ACACA: variants seen among roughly 807,000 people sequenced by gnomAD.
The protein encoded by ACACA is acetyl-CoA carboxylase 1.
Under a neutral mutation model 296.1 loss-of-function variants are expected in ACACA, and 103 were observed. That is an observed-to-expected ratio of 0.35 (90% CI 0.30 to 0.41). The LOEUF (loss-of-function observed/expected upper bound fraction) is 0.41, where lower values mean the gene tolerates loss of function less well. Ranked by LOEUF, ACACA falls within the 10% of genes least tolerant of loss-of-function variation. ACACA has a pLI of 1.00. For missense variants in ACACA, 1,554 were observed against 2,989.7 expected (o/e 0.52, Z 11.20); for synonymous variants, 953 against 1,038.6 (o/e 0.92, Z 1.58).
intron 3 of ACACA, among the ~76,000 whole-genome samples, chr17:37,293,668 A>G (rs1324887514): frequency 6.9e-6 from 1 of 145,860 alleles, no homozygotes; most frequent in Non-Finnish European, 1.5e-5. Flanking sequence ...TCAGCCCCCC[A>G]GTAGCTGGGA....
chr17:37,174,752 C>T (rs2077046185), intron 41 of ACACA, among the ~76,000 whole-genome samples: 3 of 151,644 alleles, frequency 2.0e-5, no homozygotes, highest in South Asian at 2.1e-4. Flanking sequence ...AGGATGGTCT[C>T]GATCTCTTGA....
At chr17:37,330,524 G>T in intron 2 of ACACA, 99 bp from the exon 3 acceptor site, 1 of 1,483,444 alleles carries the variant, frequency 6.7e-7, no homozygotes, top group Non-Finnish European at 9.3e-7. Context: ...GCTGAGACGT[G>T]GAAGCAAGGC....
chr17:37,373,244 T>C (rs927749536), intron 1 of ACACA, among the ~76,000 whole-genome samples: 2 of 151,882 alleles, frequency 1.3e-5, no homozygotes, highest in East Asian at 3.9e-4. Context: ...CCTACTCCAA[T>C]ATGCAGGCTG....
intron 45 of ACACA, among the ~76,000 whole-genome samples, chr17:37,147,669 C>A (rs2075871054): frequency 6.6e-6 from 1 of 152,166 alleles, no homozygotes; most frequent in Non-Finnish European, 1.5e-5. Flanking sequence ...GTGAAGCAGG[C>A]AGAGCAACAT....
intron 1 of ACACA, among the ~76,000 whole-genome samples, chr17:37,350,202 G>A (rs1009540510): frequency 6.6e-6 from 1 of 152,000 alleles, no homozygotes; most frequent in African/African-American, 2.4e-5. Context: ...ATAATGGCAC[G>A]TGCCTATGGT....
rs1279958867 is a variant in ACACA, at chr17:37,226,327, A to G, written c.3360+12T>C. The stretch of plus-strand genomic sequence containing the variant: ...CCATCCCTCCTTTAAGAAAACCAAC[A>G]AATGTCCTTACCTGGCGTGCTCGAA... On this transcript the variant is annotated intron_variant, in intron 26 of 55. Transcript: ENST00000616317. 1 of 1,606,660 alleles carries G rather than the reference A, an allele frequency of 6.2e-7. No homozygotes were observed. Among genetic ancestry groups the G allele is most frequent in the Non-Finnish European group, 8.5e-7 (1 of 1,173,172 alleles).
intron 1 of ACACA, among the ~76,000 whole-genome samples, chr17:37,368,324 T>C (rs1464098139): frequency 3.3e-5 from 5 of 150,918 alleles, no homozygotes; most frequent in African/African-American, 1.2e-4. Context: ...TTCACACCTA[T>C]AATCCCAGAA....
At chr17:37,136,918 G>A (rs1394380654) in intron 45 of ACACA, among the ~76,000 whole-genome samples, 4 of 150,838 alleles carry the variant, frequency 2.7e-5, no homozygotes, top group Non-Finnish European at 5.9e-5. Flanking sequence ...ACTCCAGCCT[G>A]AGCGACAGAG....
chr17:37,141,205 T>C (rs2075561879), intron 45 of ACACA: 5 of 563,388 alleles, frequency 8.9e-6, no homozygotes, highest in South Asian at 5.9e-5. Flanking sequence ...GTTAGTGATC[T>C]CAGATTCCTT....
At chr17:37,342,871 G>T (rs946907689) in intron 1 of ACACA, among the ~76,000 whole-genome samples, 1 of 152,022 alleles carries the variant, frequency 6.6e-6, no homozygotes, top group Non-Finnish European at 1.5e-5. Flanking sequence ...AGCCCAGAAG[G>T]TTGAGGCTGA....
At chr17:37,312,955 A>G (rs987782157) in intron 3 of ACACA, among the ~76,000 whole-genome samples, 3 of 152,220 alleles carry the variant, frequency 2.0e-5, no homozygotes, top group Non-Finnish European at 4.4e-5. Context: ...TACATTTGGC[A>G]GATCAGGATA....
intron 40 of ACACA, 138 bp downstream of exon 40, chr17:37,181,063 T>C (rs535632803): frequency 1.1e-6 from 1 of 934,018 alleles, no homozygotes; most frequent in African/African-American, 1.6e-5. Flanking sequence ...AATCCTCAAA[T>C]GAAATAGAAA....
At chr17:37,383,630 C>T (rs1458300996) in intron 1 of ACACA, among the ~76,000 whole-genome samples, 1 of 152,204 alleles carries the variant, frequency 6.6e-6, no homozygotes, top group Non-Finnish European at 1.5e-5. Flanking sequence ...TCACTGCAAC[C>T]TCCGCCTCCC....
intron 45 of ACACA, chr17:37,140,480 T>G (rs1183457872): frequency 6.6e-6 from 1 of 152,512 alleles, no homozygotes; most frequent in Non-Finnish European, 1.5e-5. Context: ...ATATGCATCT[T>G]TATAGCATCA....
chr17:37,198,685 G>A (rs1442627764), intron 35 of ACACA, among the ~76,000 whole-genome samples: 1 of 152,108 alleles, frequency 6.6e-6, no homozygotes, highest in African/African-American at 2.4e-5. Context: ...AATAACACAG[G>A]GGAGTCATGC....
rs1234944823 is a variant in ACACA at position 37,268,731 on chromosome 17, ATC to A, written c.1119+2018_1119+2019del. 3.7e-3 allele frequency among the ~76,000 whole-genome samples: 269 copies of A among 73,142 alleles called. 2 individuals are homozygous for A. The highest frequency in any genetic ancestry group is 0.015 in the African/African-American group (255 of 16,962). 48.0% of individuals were successfully genotyped at this position (73,142 alleles called of 152,430 possible). A position where few individuals can be genotyped will look rare whatever the true frequency, so the allele number is the denominator to read the frequency against. On this transcript the variant is annotated intron_variant, in intron 10 of 55. Coordinates refer to ENST00000616317, the MANE Select transcript of ACACA (RefSeq NM_198834.3). ...TATATCTATATCTATCTATCTATCT[ATC>A]TATCTATCTATATATATATATATAT...
intron 29 of ACACA, among the ~76,000 whole-genome samples, chr17:37,218,457 T>C (rs2079136457): frequency 1.3e-5 from 2 of 152,248 alleles, no homozygotes; most frequent in African/African-American, 4.8e-5. Context: ...ATGTGGCCAA[T>C]AGAAAATTTT....
At position 37,339,827 on chromosome 17, in the gene ACACA, GT is replaced by G; in HGVS notation, c.61del (p.Thr21LeufsTer4). 1 of 1,379,334 alleles carries G rather than the reference GT, an allele frequency of 7.2e-7. No homozygotes were observed. Among genetic ancestry groups the G allele is most frequent in the Non-Finnish European group, 1.0e-6 (1 of 976,358 alleles). 85.4% of individuals were successfully genotyped at this position (1,379,334 alleles called of 1,614,324 possible). ...RARSFWKWISTQTVRIIRAVR... is the reference protein window; with the variant it reads ...RARSFWKWISXQTVRIIRAVR... ...ACCTCTTATAATTCTTACTGTCTGAGTAGATATCCACTTCCAAAAAGACCTA... is the reference window on the plus strand; with the variant it reads ...ACCTCTTATAATTCTTACTGTCTGAGAGATATCCACTTCCAAAAAGACCTA... On this transcript the variant is annotated frameshift_variant, in exon 2 of 56. Coordinates refer to ENST00000616317, the MANE Select transcript of ACACA (RefSeq NM_198834.3). LOFTEE classifies it high-confidence loss of function.
chr17:37,137,590 T>C (rs184322355), intron 45 of ACACA, among the ~76,000 whole-genome samples: 3 of 152,182 alleles, frequency 2.0e-5, no homozygotes, highest in African/African-American at 7.2e-5. Flanking sequence ...CTCAACCGAT[T>C]AGTATGTTCA....
Sources: gnomAD v4.1 joint callset for allele counts (sites outside exome capture counted in the v4.1 genomes callset) on GRCh38, gnomAD v4.1.1 for gene constraint, MANE v1.5 for transcripts, NCBI Gene and HGNC (gene_info 2026-07-23, HGNC 2026-07-21) for gene names.